SAE1: variants seen among roughly 807,000 people sequenced by gnomAD.
SAE1 encodes SUMO1 activating enzyme subunit 1.
SAE1 carries 11 observed loss-of-function variants against 40.6 expected under a neutral mutation model. The ratio of observed to expected loss-of-function variants is 0.27; its 90% confidence interval spans 0.17 to 0.45. The LOEUF (loss-of-function observed/expected upper bound fraction) is 0.45. Ranked by LOEUF, SAE1 falls within the 20% of genes least tolerant of loss-of-function variation. The pLI, the probability that SAE1 is intolerant of heterozygous loss-of-function variation, is 1.00. For missense variants in SAE1, 373 were observed against 427.3 expected, an observed-to-expected ratio of 0.87 and a Z score of 1.12; for synonymous variants, 155 against 154.3, an observed-to-expected ratio of 1.00 and a Z score of -0.03.
At chr19:47,156,099 G>C (rs1384116754) in intron 5 of SAE1, among the ~76,000 whole-genome samples, 3 of 151,168 alleles carry the variant, frequency 2.0e-5, no homozygotes, top group Non-Finnish European at 4.4e-5. Flanking sequence ...GCAAGACCCC[G>C]TGTCTACAAA....
rs181685697 is a variant in SAE1 at position 47,138,295 on chromosome 19, C to A, written c.99-5199C>A. Among the ~76,000 whole-genome samples, 25 of 152,306 alleles carry A rather than the reference C, an allele frequency of 1.6e-4. No homozygotes were observed. In the East Asian group the frequency reaches 4.6e-3, roughly 28 times the overall value. Reference sequence around the variant, plus strand: ...CTGACCTCAGGTGATCTACCCGCCTCAGCCTCCTTAAGTGCTGGGATTACA... The same window carrying A: ...CTGACCTCAGGTGATCTACCCGCCTAAGCCTCCTTAAGTGCTGGGATTACA... On this transcript the variant is annotated intron_variant, in intron 1 of 8. Transcript: ENST00000270225.
At chr19:47,170,327 G>A (rs2058423081) in intron 6 of SAE1, among the ~76,000 whole-genome samples, 1 of 151,348 alleles carries the variant, frequency 6.6e-6, no homozygotes, top group Non-Finnish European at 1.5e-5. Context: ...CGATTCTGGT[G>A]TCTTAGTGTC....
chr19:47,198,320 C>T (rs1303205293), intron 7 of SAE1, among the ~76,000 whole-genome samples: 1 of 152,046 alleles, frequency 6.6e-6, no homozygotes, highest in Non-Finnish European at 1.5e-5. Flanking sequence ...CCATGTTGGC[C>T]AGGCAGGTCT....
At chr19:47,199,326 A>G (rs2058637275) in intron 7 of SAE1, among the ~76,000 whole-genome samples, 1 of 144,566 alleles carries the variant, frequency 6.9e-6, no homozygotes, top group Non-Finnish European at 1.5e-5. Context: ...CAGAGGTTGC[A>G]GTGAGCTGAG....
At chr19:47,167,167 T>A (rs889160497) in intron 5 of SAE1, among the ~76,000 whole-genome samples, 2 of 152,062 alleles carry the variant, frequency 1.3e-5, no homozygotes, top group Non-Finnish European at 2.9e-5. Flanking sequence ...TTGGCCAGGC[T>A]GGTCTCCAAT....
intron 1 of SAE1, among the ~76,000 whole-genome samples, chr19:47,139,362 G>C (rs1190431623): frequency 6.6e-6 from 1 of 151,400 alleles, no homozygotes; most frequent in Non-Finnish European, 1.5e-5. Flanking sequence ...ATTTTTTTTT[G>C]TTTTGTACAG....
At chr19:47,205,724 A>C (rs1028457541) in intron 8 of SAE1, among the ~76,000 whole-genome samples, 5 of 152,188 alleles carry the variant, frequency 3.3e-5, no homozygotes, top group Non-Finnish European at 7.3e-5. Context: ...CTGCCACACA[A>C]AGACAGTGTT....
rs2058420481 is a variant in SAE1 at position 47,169,941 on chromosome 19, A to G, written c.733+18A>G. On this transcript the variant is annotated intron_variant, in intron 6 of 8. Transcript: ENST00000270225. ...CCTTCAAGGTGAGGTCTCAAAGCAC[A>G]ACTTACCCCGGGAGAGCTTTTGGCT... 1 of 1,580,154 alleles carries G rather than the reference A, an allele frequency of 6.3e-7. No individual in the cohort carries two copies. Among genetic ancestry groups the G allele is most frequent in the Non-Finnish European group, 8.7e-7 (1 of 1,149,018 alleles).
At chr19:47,168,600 G>T (rs937615593) in intron 5 of SAE1, among the ~76,000 whole-genome samples, 3 of 151,932 alleles carry the variant, frequency 2.0e-5, no homozygotes, top group Non-Finnish European at 4.4e-5. Flanking sequence ...AGCCATAAAT[G>T]TGTTGTTGTT....
intron 6 of SAE1, among the ~76,000 whole-genome samples, chr19:47,179,391 T>C (rs904329356): frequency 1.5e-5 from 2 of 135,364 alleles, no homozygotes; most frequent in East Asian, 4.6e-4. Context: ...CCTATAATCC[T>C]AGCTACTTGG....
At chr19:47,186,113 G>A (rs921003562) in intron 6 of SAE1, among the ~76,000 whole-genome samples, 3 of 151,666 alleles carry the variant, frequency 2.0e-5, no homozygotes, top group Non-Finnish European at 2.9e-5. Context: ...AGTGGTGGGT[G>A]CCTGTAGTCC....
At chr19:47,183,948 G>A (rs968989117) in intron 6 of SAE1, among the ~76,000 whole-genome samples, 6 of 152,150 alleles carry the variant, frequency 3.9e-5, no homozygotes, top group African/African-American at 1.4e-4. Context: ...GGGTGTGGTT[G>A]GCAAAGCAAT....
chr19:47,210,312 C>G lies in SAE1; in HGVS notation c.*1061C>G, dbSNP rs1196734467. 6.6e-6 allele frequency: 1 copy of G among 152,120 alleles called. No homozygotes were observed. Among genetic ancestry groups the G allele is most frequent in the Non-Finnish European group, 1.5e-5 (1 of 68,036 alleles). The allele number at this position is 152,120 out of a possible 1,614,324, so 9.4% of individuals were successfully genotyped here. ...TCCTCCTCTCCCTCACCATTCCTGC[C>G]ACCATTTTTTCTGGGTGATGCAGCA... On this transcript the variant is annotated 3_prime_UTR_variant, in exon 9 of 9. Coordinates refer to ENST00000270225, the MANE Select transcript of SAE1 (RefSeq NM_005500.3).
chr19:47,204,187 CTTTTTTTTTTT>C (rs57736880), intron 8 of SAE1, among the ~76,000 whole-genome samples: 28 of 82,134 alleles, frequency 3.4e-4, no homozygotes, highest in Admixed American at 2.1e-3. Context: ...AAAGCCCTCC[CTTTTTTTTTTT>C]TTTTTTTTTT....
chr19:47,201,473 G>A (rs886890734), intron 7 of SAE1, among the ~76,000 whole-genome samples: 1 of 131,944 alleles, frequency 7.6e-6, no homozygotes, highest in African/African-American at 2.8e-5. Flanking sequence ...CCAGCTTTAA[G>A]TGATTCTTTT....
At chr19:47,165,040 C>T (rs1298540713) in intron 5 of SAE1, among the ~76,000 whole-genome samples, 2 of 149,756 alleles carry the variant, frequency 1.3e-5, no homozygotes, top group South Asian at 2.1e-4. Context: ...TCACCTTGGC[C>T]TCCCAAAGTG....
intron 5 of SAE1, 146 bp from the exon 6 acceptor site, chr19:47,169,672 C>A: frequency 1.5e-6 from 1 of 661,466 alleles, no homozygotes; most frequent in East Asian, 2.6e-5. Context: ...GTTCAATAAG[C>A]ATTTCTTGGA....
chr19:47,191,620 C>T (rs559201061), intron 6 of SAE1, among the ~76,000 whole-genome samples: 1 of 152,194 alleles, frequency 6.6e-6, no homozygotes, highest in Non-Finnish European at 1.5e-5. Context: ...GGCAGGAACC[C>T]TGTGCTAGAT....
In SAE1 at chr19:47,159,456, T is replaced by C. The variant is rs575564418; in HGVS notation, c.627+4243T>C. ...GTTCACTGCTAGACTCCTAGTCCAGTGTGTAGCACAGTCATATCCACGGAA... is the reference window on the plus strand; with the variant it reads ...GTTCACTGCTAGACTCCTAGTCCAGCGTGTAGCACAGTCATATCCACGGAA... On this transcript the variant is annotated intron_variant, in intron 5 of 8. Coordinates refer to ENST00000270225, the MANE Select transcript of SAE1 (RefSeq NM_005500.3). Among the ~76,000 whole-genome samples, 5 of 152,284 alleles carry C rather than the reference T, an allele frequency of 3.3e-5. No homozygotes were observed. The South Asian group carries it at 8.3e-4, about 25-fold the overall frequency.
Sources: gnomAD v4.1 joint callset for allele counts (sites outside exome capture counted in the v4.1 genomes callset) on GRCh38, gnomAD v4.1.1 for gene constraint, MANE v1.5 for transcripts, NCBI Gene and HGNC (gene_info 2026-07-23, HGNC 2026-07-21) for gene names.